The following PDE10A variants were observed in gnomAD, a reference collection of about 807,000 sequenced individuals.
PDE10A encodes the protein cAMP and cAMP-inhibited cGMP 3',5'-cyclic phosphodiesterase 10A.
A neutral mutation model predicts 97.7 loss-of-function variants in PDE10A; 39 were observed. The observed-to-expected ratio is 0.40, with a 90% CI of 0.31 to 0.52. The LOEUF is 0.52. PDE10A is among the 20% of genes least tolerant of loss of function. The pLI is 0.56. For missense variants in PDE10A, 731 were observed against 1,047.8 expected, an observed-to-expected ratio of 0.70 and a Z score of 4.17; for synonymous variants, 371 against 376.8, an observed-to-expected ratio of 0.98 and a Z score of 0.18.
At chr6:165,519,635 G>A (rs1471125347) in intron 2 of PDE10A, among the ~76,000 whole-genome samples, 1 of 152,126 alleles carries the variant, frequency 6.6e-6, no homozygotes, top group Non-Finnish European at 1.5e-5. Context: ...CACGTGTTTG[G>A]CTTCATGCTA....
intron 3 of PDE10A, among the ~76,000 whole-genome samples, chr6:165,455,915 C>G (rs541139960): frequency 2.7e-4 from 41 of 152,306 alleles, no homozygotes; most frequent in African/African-American, 7.9e-4. Flanking sequence ...ACCCAAGTAC[C>G]TGTTGATAGG....
At chr6:165,430,574 G>C (rs1366581105) in intron 8 of PDE10A, among the ~76,000 whole-genome samples, 1 of 149,426 alleles carries the variant, frequency 6.7e-6, no homozygotes, top group Non-Finnish European at 1.5e-5. Flanking sequence ...AAACATTATA[G>C]GTTTGGAATT....
chr6:165,715,680 G>A (rs936217924), intron 1 of PDE10A, among the ~76,000 whole-genome samples: 1 of 152,216 alleles, frequency 6.6e-6, no homozygotes, highest in African/African-American at 2.4e-5. Flanking sequence ...GCTAGTGCAT[G>A]GATAATGGAT....
intron 3 of PDE10A, among the ~76,000 whole-genome samples, chr6:165,451,348 C>T (rs1159855006): frequency 6.6e-6 from 1 of 152,216 alleles, no homozygotes; most frequent in East Asian, 1.9e-4. Flanking sequence ...CAACTAATCT[C>T]CCTGCTCCCA....
intron 1 of PDE10A, among the ~76,000 whole-genome samples, chr6:165,847,340 C>T (rs966095014): frequency 6.6e-6 from 1 of 152,198 alleles, no homozygotes; most frequent in African/African-American, 2.4e-5. Context: ...CTCACGCAAG[C>T]GGCTATATGT....
At chr6:165,569,329 G>T (rs186953877) in intron 1 of PDE10A, among the ~76,000 whole-genome samples, 42 of 152,286 alleles carry the variant, frequency 2.8e-4, no homozygotes, top group African/African-American at 9.1e-4. Context: ...AACAGCCCAT[G>T]TAACTGCCAT....
At chr6:165,976,888 C>A (rs779056575) in intron 1 of PDE10A, among the ~76,000 whole-genome samples, 5 of 152,228 alleles carry the variant, frequency 3.3e-5, no homozygotes, top group African/African-American at 9.6e-5. Flanking sequence ...CTTCCCCACA[C>A]GCTCTCCTGG....
intron 2 of PDE10A, among the ~76,000 whole-genome samples, chr6:165,504,897 T>G (rs1781101437): frequency 6.6e-6 from 1 of 152,148 alleles, no homozygotes; most frequent in African/African-American, 2.4e-5. Flanking sequence ...CATGTACTAT[T>G]ACTAAGGTGA....
chr6:165,567,303 CAA>C (rs1250368381), intron 1 of PDE10A, among the ~76,000 whole-genome samples: 2 of 152,134 alleles, frequency 1.3e-5, no homozygotes, highest in African/African-American at 4.8e-5. Flanking sequence ...GAAGGGGACA[CAA>C]GAGGGGCTTT....
rs550536630 is a variant in PDE10A, at chr6:165,458,080, T to C, written c.1024-7718A>G. ...AAAAGGAGCTCCTCAGTTTCTAATA[T>C]AAACTTCAATATTGGAAAAATATCT... is the stretch of plus-strand genomic sequence containing the variant. On this transcript the variant is annotated intron_variant, in intron 3 of 21. Coordinates refer to ENST00000539869, the MANE Select transcript of PDE10A (RefSeq NM_001385079.1). Among the ~76,000 whole-genome samples the C allele has an allele frequency of 2.6e-4, 39 of 152,342 alleles. No homozygotes were observed. In the South Asian group the frequency reaches 8.1e-3, roughly 32 times the overall value.
chr6:165,791,894 C>A (rs1325235460), intron 1 of PDE10A, among the ~76,000 whole-genome samples: 1 of 152,216 alleles, frequency 6.6e-6, no homozygotes, highest in East Asian at 1.9e-4. Flanking sequence ...CCCACATAAT[C>A]CTGACTGTCT....
At chr6:165,820,116 A>C (rs946009639) in intron 1 of PDE10A, among the ~76,000 whole-genome samples, 8 of 152,238 alleles carry the variant, frequency 5.3e-5, no homozygotes, top group Non-Finnish European at 1.2e-4. Flanking sequence ...TGATACACTA[A>C]AAAATAGGTT....
intron 1 of PDE10A, among the ~76,000 whole-genome samples, chr6:165,786,556 G>T (rs891421173): frequency 6.6e-6 from 1 of 152,156 alleles, no homozygotes; most frequent in Non-Finnish European, 1.5e-5. Context: ...GGAAAACTGG[G>T]AGGTCATCTT....
intron 20 of PDE10A, 26 bp from the exon 21 acceptor site, chr6:165,336,237 A>T: frequency 6.7e-7 from 1 of 1,494,222 alleles, no homozygotes; most frequent in Non-Finnish European, 9.3e-7. Context: ...AACCACGGAC[A>T]AGAAACAAAA....
At chr6:165,558,930 A>G (rs1232300457) in intron 1 of PDE10A, among the ~76,000 whole-genome samples, 1 of 151,228 alleles carries the variant, frequency 6.6e-6, no homozygotes, top group Non-Finnish European at 1.5e-5. Flanking sequence ...GTGCACATGT[A>G]CCCTAAAACT....
intron 1 of PDE10A, among the ~76,000 whole-genome samples, chr6:165,837,056 G>A (rs1210551068): frequency 1.6e-5 from 2 of 122,854 alleles, no homozygotes; most frequent in African/African-American, 6.2e-5. Context: ...TTGTGGGGTG[G>A]GGGGAGGGGG....
chr6:165,670,168 C>A (rs1018331978), intron 1 of PDE10A, among the ~76,000 whole-genome samples: 1 of 152,214 alleles, frequency 6.6e-6, no homozygotes, highest in Admixed American at 6.5e-5. Flanking sequence ...ATAATGTGCA[C>A]ATTCCATGTC....
intron 2 of PDE10A, among the ~76,000 whole-genome samples, chr6:165,505,403 T>C (rs943894818): frequency 2.0e-5 from 3 of 152,150 alleles, no homozygotes; most frequent in East Asian, 1.9e-4. Flanking sequence ...ACAAGAAACA[T>C]ACAAACATAA....
chr6:165,371,289 G>A (rs1562392311), intron 18 of PDE10A, among the ~76,000 whole-genome samples: 1 of 151,960 alleles, frequency 6.6e-6, no homozygotes, highest in Non-Finnish European at 1.5e-5. Context: ...ATGAATCCAG[G>A]AGCTGGTTTT....
Sources: gnomAD v4.1 joint callset for allele counts (sites outside exome capture counted in the v4.1 genomes callset) on GRCh38, gnomAD v4.1.1 for gene constraint, MANE v1.5 for transcripts, NCBI Gene and HGNC (gene_info 2026-07-23, HGNC 2026-07-21) for gene names.